MSI2: variants seen among roughly 807,000 people sequenced by gnomAD.
MSI2 encodes the protein RNA-binding protein Musashi homolog 2.
MSI2 carries 17 observed loss-of-function variants against 45.6 expected under a neutral mutation model. The observed-to-expected ratio is 0.37, with a 90% confidence interval of 0.26 to 0.56. MSI2 has a LOEUF of 0.56. Ranked by LOEUF, MSI2 falls within the 20% of genes least tolerant of loss-of-function variation. The probability of loss-of-function intolerance (pLI) is 0.77; values close to 1 mark genes in which losing one functional copy is unlikely to be tolerated. For missense variants in MSI2, 293 were observed against 444.2 expected (o/e 0.66, Z 3.06); for synonymous variants, 156 against 158.2 (o/e 0.99, Z 0.11).
intron 13 of MSI2, 65 bp from the exon 14 acceptor site, chr17:57,679,484 T>C (rs1913468303): frequency 1.1e-6 from 1 of 897,710 alleles, no homozygotes; most frequent in Admixed American, 5.7e-5. Flanking sequence ...GACACTTCTT[T>C]CTCCTCCCCT....
chr17:57,452,934 C>T (rs142236361), intron 6 of MSI2, among the ~76,000 whole-genome samples: 2 of 150,110 alleles, frequency 1.3e-5, no homozygotes, highest in East Asian at 4.0e-4. Flanking sequence ...GGGAAGGATT[C>T]TGCATGGTAG....
At chr17:57,692,147 T>G in the MSI2 span, among the ~76,000 whole-genome samples, 1 of 152,212 alleles carries the variant, frequency 6.6e-6, no homozygotes, top group Non-Finnish European at 1.5e-5. Context: ...ATATTGCGAT[T>G]ATATTAACTA....
At chr17:57,298,098 G>C (rs762126790) in intron 5 of MSI2, among the ~76,000 whole-genome samples, 2 of 151,644 alleles carry the variant, frequency 1.3e-5, no homozygotes, top group Non-Finnish European at 2.9e-5. Context: ...CATCTAGAGT[G>C]GTGAATGCTT....
rs535462353 is a variant in MSI2, at chr17:57,683,856, A to G, written c.*4339A>G. On this transcript the variant is annotated 3_prime_UTR_variant, in exon 14 of 14. Coordinates refer to ENST00000284073, the MANE Select transcript of MSI2 (RefSeq NM_138962.4). The surrounding 1 kb of genome is among the most constrained non-coding windows in gnomAD (Gnocchi z 5.2). ...ACGTCAGCTCAGCCCCGTCCTGGGC[A>G]CAGACACTACACAAGGAGACGCTGG... The G allele has an allele frequency of 1.9e-4, 45 of 232,330 alleles. 1 individual carries two copies. The South Asian group carries it at 7.8e-3, about 40-fold the overall frequency. The allele number at this position is 232,330 out of a possible 1,614,324, so 14.4% of individuals were successfully genotyped here.
chr17:57,633,275 C>A, intron 10 of MSI2: 1 of 765,182 alleles, frequency 1.3e-6, no homozygotes, highest in Non-Finnish European at 1.6e-6. Context: ...CGATGACAGC[C>A]TAGTGCAGTT....
chr17:57,341,918 T>A (rs138189057), intron 5 of MSI2, among the ~76,000 whole-genome samples: 2 of 152,316 alleles, frequency 1.3e-5, no homozygotes, highest in African/African-American at 4.8e-5. Context: ...TTCTTCCTCC[T>A]TGTTCTCTTT....
At chr17:57,481,375 A>G (rs904132383) in intron 6 of MSI2, among the ~76,000 whole-genome samples, 1 of 152,192 alleles carries the variant, frequency 6.6e-6, no homozygotes, top group African/African-American at 2.4e-5. Context: ...CTTCTCCATA[A>G]ATATCCTTTA....
At chr17:57,311,553 G>T (rs542042777) in intron 5 of MSI2, among the ~76,000 whole-genome samples, 4 of 152,156 alleles carry the variant, frequency 2.6e-5, no homozygotes, top group Admixed American at 2.6e-4. Context: ...CCATAGTATT[G>T]GCTATATATA....
intron 5 of MSI2, among the ~76,000 whole-genome samples, chr17:57,325,383 A>G (rs1913698933): frequency 6.6e-6 from 1 of 152,244 alleles, no homozygotes; most frequent in Non-Finnish European, 1.5e-5. Context: ...AGGTGCACTG[A>G]AATCTCAGAC....
At position 57,572,254 on chromosome 17, in the gene MSI2, C is replaced by A. The variant is rs11659001; in HGVS notation, c.455-24614C>A. 6.1e-3 allele frequency among the ~76,000 whole-genome samples: 926 copies of A among 152,310 alleles called. 5 individuals are homozygous for A. Among genetic ancestry groups the A allele is most frequent in the Non-Finnish European group, 9.6e-3 (650 of 68,028 alleles). On this transcript the variant is annotated intron_variant, in intron 7 of 13. Coordinates refer to ENST00000284073, the MANE Select transcript of MSI2 (RefSeq NM_138962.4). ...CAAAGCTATTTAGGTCCCAGTGAGT[C>A]TAACTGTGAGAATTATTTTGAGCTT...
At chr17:57,277,345 A>G (rs770808628) in intron 5 of MSI2, among the ~76,000 whole-genome samples, 1 of 152,120 alleles carries the variant, frequency 6.6e-6, no homozygotes, top group East Asian at 1.9e-4. Context: ...GGCATGAGCC[A>G]CCGCACCCGG....
chr17:57,497,753 A>T (rs1197313496), intron 6 of MSI2, among the ~76,000 whole-genome samples: 2 of 152,198 alleles, frequency 1.3e-5, no homozygotes, highest in Admixed American at 6.5e-5. Flanking sequence ...CTGTGCATGT[A>T]ACAAGTCACC....
At chr17:57,373,030 C>T (rs1355352129) in intron 5 of MSI2, among the ~76,000 whole-genome samples, 2 of 152,082 alleles carry the variant, frequency 1.3e-5, no homozygotes, top group Non-Finnish European at 1.5e-5. Context: ...AGGTGGATCA[C>T]CTTAGGTCAG....
chr17:57,422,496 C>A (rs1042626764), intron 6 of MSI2, among the ~76,000 whole-genome samples: 2 of 152,164 alleles, frequency 1.3e-5, no homozygotes, highest in Non-Finnish European at 2.9e-5. Context: ...TACAGTCTCC[C>A]TGTGAGGTAG....
intron 5 of MSI2, among the ~76,000 whole-genome samples, chr17:57,326,894 G>A (rs1000303131): frequency 6.6e-6 from 1 of 152,182 alleles, no homozygotes; most frequent in African/African-American, 2.4e-5. Context: ...CCACTGCAGT[G>A]TTTGTGCCTT....
intron 5 of MSI2, among the ~76,000 whole-genome samples, chr17:57,337,348 G>A (rs1473185963): frequency 6.6e-6 from 1 of 152,140 alleles, no homozygotes; most frequent in Non-Finnish European, 1.5e-5. Flanking sequence ...ACCCCTTTGG[G>A]GTCATTACAT....
chr17:57,308,199 G>A (rs139773900), intron 5 of MSI2, among the ~76,000 whole-genome samples: 55 of 152,308 alleles, frequency 3.6e-4, no homozygotes, highest in African/African-American at 1.3e-3. Flanking sequence ...GAGACGACGT[G>A]CCTGGCATGT....
At chr17:57,697,365 A>G in the MSI2 span, among the ~76,000 whole-genome samples, 1 of 150,072 alleles carries the variant, frequency 6.7e-6, no homozygotes, top group Non-Finnish European at 1.5e-5. Context: ...GGCCACTCCC[A>G]CTCCCACGTT....
At chr17:57,599,370 C>G (rs535406068) in intron 8 of MSI2, among the ~76,000 whole-genome samples, 7 of 152,306 alleles carry the variant, frequency 4.6e-5, no homozygotes, top group African/African-American at 1.7e-4. Flanking sequence ...ACTATATAGA[C>G]AGTTGTTGGA....
Sources: allele counts gnomAD v4.1 joint callset (sites outside exome capture counted in the v4.1 genomes callset), GRCh38; gene constraint gnomAD v4.1.1; non-coding constraint Gnocchi (gnomAD v3.1); transcripts MANE v1.5; gene names NCBI Gene and HGNC (gene_info 2026-07-23, HGNC 2026-07-21).